Variants in ELMO1 observed in about 807,000 individuals in gnomAD.
The protein encoded by ELMO1 is engulfment and cell motility protein 1.
ELMO1 carries 26 observed loss-of-function variants against 98.9 expected under a neutral mutation model. That is an observed-to-expected ratio of 0.26 (90% CI 0.19 to 0.36). The LOEUF is 0.36. Among genes scored for constraint, ELMO1 ranks in the 10% least tolerant of loss-of-function variants. The probability of loss-of-function intolerance (pLI) is 1.00; values close to 1 mark genes in which losing one functional copy is unlikely to be tolerated. For synonymous variants in ELMO1, 346 were observed against 346.0 expected (o/e 1.00, Z 0.00); for missense variants, 627 against 935.2 (o/e 0.67, Z 4.30).
intron 15 of ELMO1, among the ~76,000 whole-genome samples, chr7:37,017,062 T>C (rs1296710396): frequency 6.6e-6 from 1 of 152,196 alleles, no homozygotes; most frequent in Non-Finnish European, 1.5e-5. Context: ...ATTTACTGTG[T>C]AAGATTCCTC....
chr7:37,199,148 G>A (rs1462770237), intron 13 of ELMO1, among the ~76,000 whole-genome samples: 1 of 152,206 alleles, frequency 6.6e-6, no homozygotes, highest in African/African-American at 2.4e-5. Context: ...AAACAGGACT[G>A]GAAGAAACCT....
rs557079939 is a variant in ELMO1 at position 37,252,301 on chromosome 7, T to C, written c.413+6880A>G. Among the ~76,000 whole-genome samples, 36 of 152,286 alleles carry C rather than the reference T, an allele frequency of 2.4e-4. 1 individual carries two copies. In the South Asian group the frequency reaches 7.2e-3, roughly 31 times the overall value. On this transcript the variant is annotated intron_variant, in intron 6 of 21. Transcript: ENST00000310758. ...CATTCCTAAGCAAAAAGAACAAAGC[T>C]GGAGGCATCACGCTACCTGACTTCA... is the stretch of plus-strand genomic sequence containing the variant.
chr7:36,962,348 G>C (rs187905533), intron 16 of ELMO1, among the ~76,000 whole-genome samples: 159 of 152,238 alleles, frequency 1.0e-3, no homozygotes, highest in Non-Finnish European at 7.2e-4. Flanking sequence ...AATTTGGACC[G>C]ATTAAAAACT....
chr7:36,959,633 A>G (rs1788771630), intron 16 of ELMO1, among the ~76,000 whole-genome samples: 1 of 152,002 alleles, frequency 6.6e-6, no homozygotes, highest in Non-Finnish European at 1.5e-5. Flanking sequence ...AAGCAATGCA[A>G]TTGTCTTGAG....
chr7:37,285,788 G>A (rs971599229), intron 4 of ELMO1, among the ~76,000 whole-genome samples: 1 of 152,162 alleles, frequency 6.6e-6, no homozygotes, highest in Non-Finnish European at 1.5e-5. Context: ...GTTTTGCACA[G>A]AAGGGACCTG....
chr7:37,044,982 C>G (rs1425152074), intron 15 of ELMO1, among the ~76,000 whole-genome samples: 3 of 152,218 alleles, frequency 2.0e-5, no homozygotes, highest in Non-Finnish European at 4.4e-5. Flanking sequence ...AGTGGCTATA[C>G]AGCTAAGCTC....
At chr7:37,211,985 C>T (rs1793001219) in intron 12 of ELMO1, among the ~76,000 whole-genome samples, 1 of 152,182 alleles carries the variant, frequency 6.6e-6, no homozygotes, top group South Asian at 2.1e-4. Context: ...CCCAAGTGTC[C>T]ATCCAAGGGT....
intron 13 of ELMO1, among the ~76,000 whole-genome samples, chr7:37,169,402 T>C (rs1789990793): frequency 6.6e-6 from 1 of 152,138 alleles, no homozygotes; most frequent in South Asian, 2.1e-4. Context: ...GTACCTCAGA[T>C]GGAAATGCAG....
At chr7:37,384,999 ACTTTG>A (rs1309240345) in intron 1 of ELMO1, among the ~76,000 whole-genome samples, 1 of 152,210 alleles carries the variant, frequency 6.6e-6, no homozygotes, top group Non-Finnish European at 1.5e-5. Flanking sequence ...TATATTCCAT[ACTTTG>A]CTTTGAAGTT....
At chr7:37,179,341 G>T (rs138932888) in intron 13 of ELMO1, among the ~76,000 whole-genome samples, 1 of 147,930 alleles carries the variant, frequency 6.8e-6, no homozygotes, top group Non-Finnish European at 1.5e-5. Flanking sequence ...GCACTGGCGC[G>T]ATCTTGGCTC....
chr7:37,289,063 C>CAAT lies in ELMO1; in HGVS notation c.193-17182_193-17181insATT, dbSNP rs775373258. ...TTCCACACCCAAAAGAACAGATGCC[C>CAAT]AAGAAGAATGGGCATCTCCATGTTT... is the stretch of plus-strand genomic sequence containing the variant. On this transcript the variant is annotated intron_variant, in intron 4 of 21. Coordinates refer to ENST00000310758, the MANE Select transcript of ELMO1 (RefSeq NM_014800.11). 4.4e-4 allele frequency among the ~76,000 whole-genome samples: 67 copies of CAAT among 152,258 alleles called. 2 individuals are homozygous for CAAT. The highest frequency in any genetic ancestry group is 7.5e-4 in the Non-Finnish European group (51 of 68,028).
chr7:37,373,896 T>A (rs1167524200), intron 1 of ELMO1, among the ~76,000 whole-genome samples: 2 of 152,210 alleles, frequency 1.3e-5, no homozygotes, highest in African/African-American at 4.8e-5. Flanking sequence ...GAGCACCCAA[T>A]CAATGAGAAA....
intron 4 of ELMO1, among the ~76,000 whole-genome samples, chr7:37,311,096 G>A (rs576918978): frequency 3.2e-4 from 48 of 152,012 alleles, no homozygotes; most frequent in Admixed American, 1.3e-3. Context: ...AACTTTCTCT[G>A]AGGCATTTCC....
intron 15 of ELMO1, among the ~76,000 whole-genome samples, chr7:37,040,922 C>CAA (rs202128440): frequency 2.0e-5 from 3 of 151,506 alleles, no homozygotes; most frequent in Admixed American, 2.0e-4. Flanking sequence ...ACTAAAAATA[C>CAA]AAAAAAAATC....
At chr7:37,427,001 T>G (rs1804736899) in intron 1 of ELMO1, among the ~76,000 whole-genome samples, 2 of 150,750 alleles carry the variant, frequency 1.3e-5, no homozygotes, top group African/African-American at 2.4e-5. Flanking sequence ...GCTAAAAAGA[T>G]TCTACGTCTT....
chr7:37,408,349 T>C (rs891970777), intron 1 of ELMO1, among the ~76,000 whole-genome samples: 1 of 152,174 alleles, frequency 6.6e-6, no homozygotes, highest in Non-Finnish European at 1.5e-5. Flanking sequence ...GGAAAAAAGA[T>C]GACAAAGAAC....
chr7:37,023,032 T>C (rs1244687245), intron 15 of ELMO1, among the ~76,000 whole-genome samples: 1 of 152,244 alleles, frequency 6.6e-6, no homozygotes, highest in East Asian at 1.9e-4. Context: ...TATGATCCTA[T>C]TTATTTAAAG....
chr7:37,003,388 AAAG>A (rs1792823762), intron 16 of ELMO1, among the ~76,000 whole-genome samples: 1 of 152,166 alleles, frequency 6.6e-6, no homozygotes, highest in Non-Finnish European at 1.5e-5. Context: ...AGAAAAGAGA[AAAG>A]AAGGAGGGAA....
chr7:37,222,481 C>T, intron 10 of ELMO1, 134 bp downstream of exon 10: 1 of 863,784 alleles, frequency 1.2e-6, no homozygotes, highest in South Asian at 1.7e-5. Flanking sequence ...CGGAACATAG[C>T]TGCTCTGGAG....
Sources: gnomAD v4.1 joint callset for allele counts (sites outside exome capture counted in the v4.1 genomes callset) on GRCh38, gnomAD v4.1.1 for gene constraint, MANE v1.5 for transcripts, NCBI Gene and HGNC (gene_info 2026-07-23, HGNC 2026-07-21) for gene names.